NLRP7: variants seen among roughly 807,000 people sequenced by gnomAD.
The protein encoded by NLRP7 is NLR family pyrin domain containing 7.
In NLRP7, 72 loss-of-function variants were observed where a neutral mutation model predicts 85.5. The ratio of observed to expected loss-of-function variants is 0.84; its 90% confidence interval spans 0.70 to 1.02. The LOEUF (loss-of-function observed/expected upper bound fraction) is 1.02, where lower values mean the gene tolerates loss of function less well. Among genes scored for constraint, NLRP7 ranks in the 50% least tolerant of loss-of-function variants. NLRP7 has a pLI of 0.00. For synonymous variants in NLRP7, 550 were observed against 505.2 expected (o/e 1.09, Z -1.19); for missense variants, 1,243 against 1,219.5 (o/e 1.02, Z -0.29).
At chr19:54,964,209 G>C in intron 1 of NLRP7, among the ~76,000 whole-genome samples, 1 of 92,844 alleles carries the variant, frequency 1.1e-5, no homozygotes, top group Non-Finnish European at 2.0e-5. Flanking sequence ...TATTTATATG[G>C]TGTTTTTTTT....
rs577196436 is a variant in NLRP7, at chr19:54,934,013, G to T, written c.2472-274C>A. 1.8e-4 allele frequency among the ~76,000 whole-genome samples: 27 copies of T among 152,314 alleles called. No homozygotes were observed. The highest frequency in any genetic ancestry group is 6.2e-4 in the South Asian group (3 of 4,830). On this transcript the variant is annotated intron_variant, in intron 7 of 9. Coordinates refer to ENST00000340844, the Ensembl canonical transcript of NLRP7. This position sits in a 1 kb window ranked among gnomAD's most constrained non-coding sequence, Gnocchi z 6.7. ...GCTGGAGTGCAGTGGCGCGATCTCG[G>T]TTCACTGCCAATCGCCGCCTCCCAG...
chr19:54,938,145 G>A (rs759801452), exon 5 of NLRP7: 4 of 1,614,036 alleles, frequency 2.5e-6, no homozygotes, highest in Non-Finnish European at 2.5e-6. Flanking sequence ...GAAACTTGAG[G>A]TTGCTGTTTG....
At chr19:54,957,346 CT>C (rs369473061) in intron 1 of NLRP7, among the ~76,000 whole-genome samples, 18,030 of 127,866 alleles carry the variant, frequency 0.14, 1,228 homozygotes, top group East Asian at 0.34. Context: ...TCTTCTTCTT[CT>C]TTTTTTTTTT....
At chr19:54,957,937 C>A (rs1484267784) in intron 1 of NLRP7, among the ~76,000 whole-genome samples, 1 of 151,914 alleles carries the variant, frequency 6.6e-6, no homozygotes, top group African/African-American at 2.4e-5. Flanking sequence ...GGGAGGGGGC[C>A]GGGCACGGTG....
chr19:54,936,125 C>T (rs1274995336), intron 6 of NLRP7, 136 bp downstream of exon 6: 3 of 770,770 alleles, frequency 3.9e-6, no homozygotes, highest in African/African-American at 3.4e-5. Context: ...GGCCGACTCC[C>T]CCACACAGGC....
intron 1 of NLRP7, among the ~76,000 whole-genome samples, chr19:54,942,122 G>T (rs1400277869): frequency 1.3e-5 from 2 of 152,020 alleles, no homozygotes; most frequent in Non-Finnish European, 2.9e-5. Flanking sequence ...AGGGCGTGGT[G>T]GCGGGCACCT....
exon 4 of NLRP7, chr19:54,940,219 G>A: frequency 6.2e-7 from 1 of 1,614,216 alleles, no homozygotes; most frequent in Non-Finnish European, 8.5e-7. Context: ...GCGTCGGGCT[G>A]AGGTTGCAGT....
At position 54,934,538 on chromosome 19, in the gene NLRP7, A is replaced by G. The variant is rs1240502719; in HGVS notation, c.2422T>C (p.Leu808=). Reference sequence around the variant, plus strand: ...GGGCGTGTCATGGTCTTGTACAGCAACATGGCACCCTCATCCAGGAGCACA... The same window carrying G: ...GGGCGTGTCATGGTCTTGTACAGCAGCATGGCACCCTCATCCAGGAGCACA... Residue 808 remains leucine, a synonymous_variant, in exon 7 of 10, where the codon TTG becomes CTG. Coordinates refer to ENST00000340844, the Ensembl canonical transcript of NLRP7. This position sits in a 1 kb window ranked among gnomAD's most constrained non-coding sequence, Gnocchi z 6.7. The G allele has an allele frequency of 4.3e-6, 7 of 1,614,152 alleles. No individual in the cohort carries two copies. The South Asian group carries it at 6.6e-5, about 15-fold the overall frequency.
At chr19:54,939,068 G>C (rs759837769) in exon 4 of NLRP7, 2 of 1,614,130 alleles carry the variant, frequency 1.2e-6, no homozygotes, top group East Asian at 4.5e-5. Context: ...CACCACCTTC[G>C]CCAGCTCCTC....
Position 54,944,021 on chromosome 19 carries a change from C to T in NLRP7, c.-39-2271G>A, listed in dbSNP as rs565821123. On this transcript the variant is annotated intron_variant, in intron 1 of 9. Coordinates refer to ENST00000340844, the Ensembl canonical transcript of NLRP7. ...AAGCACCCAGGGACACAATACACTG[C>T]GGAAGGCTGCAGGGACCTCTGCCTA... is the stretch of plus-strand genomic sequence containing the variant. Among the ~76,000 whole-genome samples the T allele has an allele frequency of 7.2e-5, 11 of 152,196 alleles. No individual in the cohort carries two copies. In the East Asian group the frequency reaches 1.2e-3, roughly 16 times the overall value.
chr19:54,933,348 T>C (rs1484718669), intron 8 of NLRP7, among the ~76,000 whole-genome samples: 2 of 152,160 alleles, frequency 1.3e-5, no homozygotes, highest in African/African-American at 2.4e-5. Context: ...GGTTTCACCA[T>C]GTTAACCAGG....
intron 1 of NLRP7, among the ~76,000 whole-genome samples, chr19:54,957,343 CTTCTT>C (rs1287146944): frequency 2.1e-5 from 3 of 140,022 alleles, no homozygotes; most frequent in East Asian, 4.7e-4. Context: ...TCTTCTTCTT[CTTCTT>C]TTTTTTTTTT....
chr19:54,935,915 G>C (rs949418535), intron 6 of NLRP7, among the ~76,000 whole-genome samples: 6 of 151,992 alleles, frequency 3.9e-5, no homozygotes, highest in Admixed American at 3.3e-4. Context: ...CCCGTCTGTG[G>C]AAAAAACTGT....
At chr19:54,963,052 G>C (rs552088117) in intron 1 of NLRP7, among the ~76,000 whole-genome samples, 5 of 152,112 alleles carry the variant, frequency 3.3e-5, no homozygotes, top group African/African-American at 1.2e-4. Context: ...GTGAAAAATG[G>C]GTAGGATCAT....
chr19:54,942,123 G>T (rs150274692), intron 1 of NLRP7, among the ~76,000 whole-genome samples: 2,679 of 152,126 alleles, frequency 0.018, 92 homozygotes, highest in African/African-American at 0.06. Context: ...GGGCGTGGTG[G>T]CGGGCACCTG....
At position 54,956,469 on chromosome 19, in the gene NLRP7, C is replaced by G. The variant is rs1382102034; in HGVS notation, c.-76-8964G>C. On this transcript the variant is annotated intron_variant, in intron 1 of 2. Transcript: ENST00000587103. ...TTTTGGGAGGCCAAGGCAGGCGGAT[C>G]ACTTGAGGTCAGGACTTTGAGACCA... is the stretch of plus-strand genomic sequence containing the variant. 3.9e-5 allele frequency among the ~76,000 whole-genome samples: 6 copies of G among 152,158 alleles called. No homozygotes were observed. The South Asian group carries it at 8.3e-4, about 21-fold the overall frequency.
intron 1 of NLRP7, among the ~76,000 whole-genome samples, chr19:54,959,442 G>GT (rs201916172): frequency 0.083 from 12,454 of 150,644 alleles, 857 homozygotes; most frequent in African/African-American, 0.17. Context: ...CGGCCTCCTT[G>GT]TTTTTTTTCT....
At chr19:54,925,696 T>TTTTTTTA in intron 9 of NLRP7, among the ~76,000 whole-genome samples, 1 of 152,066 alleles carries the variant, frequency 6.6e-6, no homozygotes, top group South Asian at 2.1e-4. Flanking sequence ...AAAGGTAGAT[T>TTTTTTTA]ACGTTAAAAT....
chr19:54,951,405 G>A (rs1411397538), upstream of NLRP7, among the ~76,000 whole-genome samples: 5 of 151,970 alleles, frequency 3.3e-5, no homozygotes, highest in Admixed American at 6.6e-5. Context: ...AATTAGCGGG[G>A]CATGGTAGTT....
Sources: allele counts gnomAD v4.1 joint callset (sites outside exome capture counted in the v4.1 genomes callset), GRCh38; gene constraint gnomAD v4.1.1; non-coding constraint Gnocchi (gnomAD v3.1); transcripts MANE v1.5; gene names NCBI Gene and HGNC (gene_info 2026-07-23, HGNC 2026-07-21).